Variants in GRIA4 observed in about 807,000 individuals in gnomAD.
The protein encoded by GRIA4 is glutamate ionotropic receptor AMPA type subunit 4, also known as glutamate receptor 4.
GRIA4 carries 34 observed loss-of-function variants against 104.0 expected under a neutral mutation model. The ratio of observed to expected loss-of-function variants is 0.33; its 90% CI spans 0.25 to 0.44. The LOEUF (loss-of-function observed/expected upper bound fraction) is 0.44. Ranked by LOEUF, GRIA4 falls within the 20% of genes least tolerant of loss-of-function variation. The pLI is 1.00. For missense variants in GRIA4, 750 were observed against 1,096.5 expected (o/e 0.68, Z 4.46); for synonymous variants, 386 against 381.9 (o/e 1.01, Z -0.13).
chr11:105,756,631 A>G (rs1353388032), intron 4 of GRIA4, among the ~76,000 whole-genome samples: 4 of 151,918 alleles, frequency 2.6e-5, no homozygotes, highest in Non-Finnish European at 4.4e-5. Context: ...TCAGAAAAAA[A>G]AAAAACTTAT....
rs568209349 is a variant in GRIA4 at position 105,882,970 on chromosome 11, A to T, written c.673-4549A>T. 3.3e-5 allele frequency among the ~76,000 whole-genome samples: 5 copies of T among 152,326 alleles called. No homozygotes were observed. In the East Asian group the frequency reaches 9.6e-4, roughly 29 times the overall value. On this transcript the variant is annotated intron_variant, in intron 5 of 16. Coordinates refer to ENST00000282499, the MANE Select transcript of GRIA4 (RefSeq NM_000829.4). ...AACAGTTAAAAATTACAATGTTTGT[A>T]CCTGGCATTCACCTTATTAATATGC...
chr11:105,755,001 AT>A (rs566758901), intron 4 of GRIA4, among the ~76,000 whole-genome samples: 26 of 151,584 alleles, frequency 1.7e-4, no homozygotes, highest in African/African-American at 6.3e-4. Context: ...TCTTGTTAGC[AT>A]TTTTTTTACA....
chr11:105,613,323 C>T (rs1022592402), intron 3 of GRIA4: 2 of 152,074 alleles, frequency 1.3e-5, no homozygotes, highest in South Asian at 4.1e-4. Context: ...TTGCTTTTTC[C>T]TTCTGGAAGG....
At chr11:105,892,193 T>C (rs1329720382) in intron 6 of GRIA4, among the ~76,000 whole-genome samples, 1 of 152,150 alleles carries the variant, frequency 6.6e-6, no homozygotes, top group African/African-American at 2.4e-5. Context: ...GGGGACCTAA[T>C]ATTAAACACA....
intron 3 of GRIA4, among the ~76,000 whole-genome samples, chr11:105,659,167 G>C (rs1198025155): frequency 1.3e-5 from 2 of 151,902 alleles, no homozygotes; most frequent in African/African-American, 4.8e-5. Flanking sequence ...TGGTAGCTGC[G>C]GGGATTGTCA....
At chr11:105,730,345 A>G (rs969116191) in intron 3 of GRIA4, among the ~76,000 whole-genome samples, 2 of 152,218 alleles carry the variant, frequency 1.3e-5, no homozygotes, top group African/African-American at 4.8e-5. Flanking sequence ...CTCTTCTAGG[A>G]GAACTACAAA....
chr11:105,910,663 TG>T, intron 10 of GRIA4, 118 bp downstream of exon 10: 1 of 618,188 alleles, frequency 1.6e-6, no homozygotes, highest in Non-Finnish European at 3.0e-6. Context: ...ATGGGTGTTC[TG>T]ATCCACAAAA....
intron 4 of GRIA4, among the ~76,000 whole-genome samples, chr11:105,777,530 C>T (rs1297594485): frequency 6.6e-6 from 1 of 151,942 alleles, no homozygotes; most frequent in Non-Finnish European, 1.5e-5. Flanking sequence ...AAACTAAGTC[C>T]CATTCATTTT....
chr11:105,655,573 C>T (rs1300229192), intron 3 of GRIA4, among the ~76,000 whole-genome samples: 2 of 151,468 alleles, frequency 1.3e-5, no homozygotes, highest in Non-Finnish European at 3.0e-5. Context: ...CCACTTATGA[C>T]TTATGTGGTG....
chr11:105,890,032 G>GTT (rs755279218), intron 6 of GRIA4, among the ~76,000 whole-genome samples: 2 of 152,108 alleles, frequency 1.3e-5, no homozygotes. Context: ...TACTTGTGAT[G>GTT]TTTACAAATA....
At chr11:105,926,481 G>C (rs1392405369) in intron 12 of GRIA4, among the ~76,000 whole-genome samples, 1 of 151,950 alleles carries the variant, frequency 6.6e-6, no homozygotes, top group Non-Finnish European at 1.5e-5. Flanking sequence ...AAGCTATTAA[G>C]TTTTACATTT....
chr11:105,772,362 C>G, intron 4 of GRIA4, among the ~76,000 whole-genome samples: 1 of 152,114 alleles, frequency 6.6e-6, no homozygotes, highest in East Asian at 1.9e-4. Context: ...TCTGCAGCCA[C>G]AGTTGCTCAC....
At chr11:105,797,765 T>C (rs1469814481) in intron 4 of GRIA4, 2 of 454,320 alleles carry the variant, frequency 4.4e-6, no homozygotes, top group Admixed American at 2.4e-5. Context: ...AGTAATTGTA[T>C]GCCAAGTTCT....
chr11:105,886,664 T>C (rs1377550528), intron 5 of GRIA4, among the ~76,000 whole-genome samples: 1 of 152,148 alleles, frequency 6.6e-6, no homozygotes, highest in African/African-American at 2.4e-5. Context: ...TCTTTGACAA[T>C]GAACGTACCT....
intron 4 of GRIA4, among the ~76,000 whole-genome samples, chr11:105,816,893 A>G (rs573983847): frequency 1.2e-4 from 19 of 152,172 alleles, no homozygotes; most frequent in South Asian, 6.2e-4. Context: ...GTGCATGCCC[A>G]TAGTCCTAGA....
At chr11:105,790,962 T>C (rs1389533459) in intron 4 of GRIA4, among the ~76,000 whole-genome samples, 1 of 152,174 alleles carries the variant, frequency 6.6e-6, no homozygotes, top group African/African-American at 2.4e-5. Flanking sequence ...AGCATTCTAC[T>C]CTATTTATCA....
chr11:105,916,618 T>C (rs652286), intron 10 of GRIA4, among the ~76,000 whole-genome samples: 27,132 of 152,172 alleles, frequency 0.18, 2,552 homozygotes, highest in Admixed American at 0.24. Flanking sequence ...AAATATGTAG[T>C]TTTTATTGAA....
chr11:105,831,535 G>A (rs950163524), intron 4 of GRIA4, among the ~76,000 whole-genome samples: 2 of 151,974 alleles, frequency 1.3e-5, no homozygotes, highest in African/African-American at 4.8e-5. Context: ...GTTAAAATGT[G>A]CATTTAAAAT....
intron 4 of GRIA4, among the ~76,000 whole-genome samples, chr11:105,856,648 G>T (rs148045077): frequency 1.3e-5 from 2 of 152,170 alleles, no homozygotes; most frequent in Middle Eastern, 3.4e-3. Flanking sequence ...CCACTGCTTT[G>T]GATGAAGGGG....
Sources: gnomAD v4.1 joint callset for allele counts (sites outside exome capture counted in the v4.1 genomes callset) on GRCh38, gnomAD v4.1.1 for gene constraint, MANE v1.5 for transcripts, NCBI Gene and HGNC (gene_info 2026-07-23, HGNC 2026-07-21) for gene names.